Variants in AK5 observed in about 807,000 individuals in gnomAD.
AK5 encodes the protein adenylate kinase 5.
Under a neutral mutation model 69.5 loss-of-function variants are expected in AK5, and 27 were observed. That is an observed-to-expected ratio of 0.39 (90% CI 0.29 to 0.54). The LOEUF (loss-of-function observed/expected upper bound fraction) is 0.54. Ranked by LOEUF, AK5 falls within the 20% of genes least tolerant of loss-of-function variation. The pLI, the probability that AK5 is intolerant of heterozygous loss-of-function variation, is 0.71. For missense variants in AK5, 531 were observed against 700.4 expected (o/e 0.76, Z 2.73); for synonymous variants, 260 against 244.4 (o/e 1.06, Z -0.60).
chr1:77,282,654 G>A (rs887783916), intron 1 of AK5: 4 of 1,196,946 alleles, frequency 3.3e-6, no homozygotes, highest in African/African-American at 1.6e-5. Flanking sequence ...CCCCTCGGAT[G>A]TGGACACCCA....
At chr1:77,345,608 C>T (rs1003308572) in intron 6 of AK5, among the ~76,000 whole-genome samples, 6 of 152,276 alleles carry the variant, frequency 3.9e-5, no homozygotes, top group Admixed American at 2.6e-4. Context: ...TTGGGAAACA[C>T]TCATCACAAA....
intron 8 of AK5, among the ~76,000 whole-genome samples, chr1:77,467,666 C>T (rs988870275): frequency 6.6e-6 from 1 of 152,130 alleles, no homozygotes; most frequent in Non-Finnish European, 1.5e-5. Flanking sequence ...GATTTTAGTA[C>T]ACATAAAGAA....
chr1:77,528,398 C>T (rs1201768541), intron 12 of AK5, among the ~76,000 whole-genome samples: 1 of 152,138 alleles, frequency 6.6e-6, no homozygotes, highest in African/African-American at 2.4e-5. Flanking sequence ...GCGTCCGATG[C>T]ATTGGACCAT....
intron 8 of AK5, among the ~76,000 whole-genome samples, chr1:77,471,474 A>C (rs749938734): frequency 6.6e-6 from 1 of 152,188 alleles, no homozygotes; most frequent in East Asian, 1.9e-4. Context: ...AATTGTTTCC[A>C]CTGCCCACTT....
chr1:77,382,920 A>C (rs1387712165), intron 6 of AK5, among the ~76,000 whole-genome samples: 1 of 152,220 alleles, frequency 6.6e-6, no homozygotes, highest in East Asian at 1.9e-4. Flanking sequence ...TGATTGCTAA[A>C]AGTAAAGCTT....
At chr1:77,467,441 C>T (rs1038151475) in intron 8 of AK5, among the ~76,000 whole-genome samples, 33 of 151,846 alleles carry the variant, frequency 2.2e-4, no homozygotes, top group African/African-American at 6.5e-4. Flanking sequence ...AAAAACACTT[C>T]GGAAATCCAA....
intron 8 of AK5, among the ~76,000 whole-genome samples, chr1:77,443,958 A>G (rs942555999): frequency 1.3e-5 from 2 of 151,554 alleles, no homozygotes; most frequent in South Asian, 2.1e-4. Context: ...ATGAGCAGCT[A>G]TAAGATACTT....
intron 13 of AK5, among the ~76,000 whole-genome samples, chr1:77,555,464 C>T (rs1365871653): frequency 2.6e-5 from 4 of 152,148 alleles, no homozygotes; most frequent in Non-Finnish European, 4.4e-5. Context: ...GTAGTCAACA[C>T]GTGCAAAGAC....
At chr1:77,403,427 T>C (rs1456789168) in intron 6 of AK5, among the ~76,000 whole-genome samples, 1 of 152,114 alleles carries the variant, frequency 6.6e-6, no homozygotes, top group Non-Finnish European at 1.5e-5. Flanking sequence ...TTTATGGTTT[T>C]AGGTCTAACA....
At position 77,492,682 on chromosome 1, in the gene AK5, C is replaced by G. The variant is rs544554778; in HGVS notation, c.1147+6330C>G. Among the ~76,000 whole-genome samples, 4 of 151,458 alleles carry G rather than the reference C, an allele frequency of 2.6e-5. No individual in the cohort carries two copies. The South Asian group carries it at 8.3e-4, about 32-fold the overall frequency. On this transcript the variant is annotated intron_variant, in intron 10 of 13. Coordinates refer to ENST00000354567, the MANE Select transcript of AK5 (RefSeq NM_174858.3). ...GCTGAAAGCCCTGTTTCTCTGGGCT[C>G]CTGTAGGCCTGGAAAAAGTTCTGAG...
rs552507678 is a variant in AK5, at chr1:77,407,673, G to A, written c.892-3308G>A. Among the ~76,000 whole-genome samples, 3 of 152,100 alleles carry A rather than the reference G, an allele frequency of 2.0e-5. No homozygotes were observed. In the South Asian group the frequency reaches 6.2e-4, roughly 32 times the overall value. On this transcript the variant is annotated intron_variant, in intron 6 of 13. Transcript: ENST00000354567. ...TGATTTGGGGTACATGTGCAGATTT[G>A]CTACCTGGGTATGTTGCATGCTGCT...
chr1:77,545,590 G>A (rs1659498827), intron 13 of AK5, among the ~76,000 whole-genome samples: 2 of 152,294 alleles, frequency 1.3e-5, no homozygotes, highest in South Asian at 2.1e-4. Context: ...GCTATTTTAA[G>A]CAAAGGCTGA....
At chr1:77,555,763 C>T (rs1660066502) in intron 13 of AK5, among the ~76,000 whole-genome samples, 1 of 152,260 alleles carries the variant, frequency 6.6e-6, no homozygotes, top group African/African-American at 2.4e-5. Flanking sequence ...GTGCTTATCT[C>T]CTAACAGTGT....
At chr1:77,305,109 A>G (rs1343229197) in intron 5 of AK5, among the ~76,000 whole-genome samples, 1 of 152,148 alleles carries the variant, frequency 6.6e-6, no homozygotes, top group African/African-American at 2.4e-5. Flanking sequence ...ACTTTTTCAC[A>G]TGCCCGTTTG....
At chr1:77,456,666 C>T (rs540049731) in intron 8 of AK5, among the ~76,000 whole-genome samples, 1 of 152,290 alleles carries the variant, frequency 6.6e-6, no homozygotes, top group Admixed American at 6.5e-5. Flanking sequence ...CTTAGGAAAC[C>T]TCTTCATCCT....
intron 6 of AK5, among the ~76,000 whole-genome samples, chr1:77,395,618 T>C (rs956079822): frequency 9.9e-5 from 15 of 152,184 alleles, no homozygotes; most frequent in Non-Finnish European, 1.5e-5. Context: ...TGTCTTTGAG[T>C]GAAGCTGCAT....
chr1:77,327,203 C>T (rs1450009236), intron 5 of AK5, among the ~76,000 whole-genome samples: 1 of 151,734 alleles, frequency 6.6e-6, no homozygotes, highest in Non-Finnish European at 1.5e-5. Flanking sequence ...CCTGGGCAAA[C>T]CAGGAAGACC....
intron 13 of AK5, among the ~76,000 whole-genome samples, chr1:77,537,777 G>T (rs532892312): frequency 1.3e-5 from 2 of 152,306 alleles, no homozygotes; most frequent in Admixed American, 6.5e-5. Flanking sequence ...GAAACACTGG[G>T]TATAGAAGTC....
At chr1:77,541,782 C>T (rs1192833250) in intron 13 of AK5, among the ~76,000 whole-genome samples, 4 of 152,106 alleles carry the variant, frequency 2.6e-5, no homozygotes, top group Non-Finnish European at 5.9e-5. Context: ...CAGAATATGC[C>T]CACCTGACAG....
Sources: gnomAD v4.1 joint callset for allele counts (sites outside exome capture counted in the v4.1 genomes callset) on GRCh38, gnomAD v4.1.1 for gene constraint, MANE v1.5 for transcripts, NCBI Gene and HGNC (gene_info 2026-07-23, HGNC 2026-07-21) for gene names.